The following SNTB1 variants were observed in gnomAD, a reference collection of about 807,000 sequenced individuals.
The protein encoded by SNTB1 is beta-1-syntrophin.
SNTB1 carries 36 observed loss-of-function variants against 48.9 expected under a neutral mutation model. The ratio of observed to expected loss-of-function variants is 0.74; its 90% CI spans 0.56 to 0.97. The LOEUF (loss-of-function observed/expected upper bound fraction) is 0.97, where lower values mean the gene tolerates loss of function less well. Ranked by LOEUF, SNTB1 falls within the 50% of genes least tolerant of loss-of-function variation. The pLI is 0.00. For missense variants in SNTB1, 786 were observed against 703.4 expected (o/e 1.12, Z -1.33); for synonymous variants, 299 against 294.6 (o/e 1.01, Z -0.15).
chr8:120,615,262 G>T (rs945667715), intron 3 of SNTB1, among the ~76,000 whole-genome samples: 1 of 152,138 alleles, frequency 6.6e-6, no homozygotes, highest in Non-Finnish European at 1.5e-5. Context: ...CAGAGCCGGG[G>T]TTAATATGTA....
chr8:120,563,384 T>A (rs1253262027), intron 4 of SNTB1, among the ~76,000 whole-genome samples: 68 of 151,956 alleles, frequency 4.5e-4, no homozygotes, highest in Non-Finnish European at 2.6e-4. Flanking sequence ...GAATGAGAAT[T>A]GCTAAAATTA....
chr8:120,698,684 T>C (rs958556695), intron 1 of SNTB1, among the ~76,000 whole-genome samples: 1 of 152,202 alleles, frequency 6.6e-6, no homozygotes, highest in Non-Finnish European at 1.5e-5. Flanking sequence ...GGCTTGGCTA[T>C]CAATTGTAGA....
In SNTB1 at chr8:120,536,749, A is replaced by C. The variant is rs1815208936; in HGVS notation, c.*2128T>G. ...TTCCATTGACCCCCACACAGATATT[A>C]ATCAGCCCAAAGCTTAAGTGATAAA... On this transcript the variant is annotated 3_prime_UTR_variant, in exon 7 of 7. Transcript: ENST00000517992. 1 of 152,126 alleles carries C rather than the reference A, an allele frequency of 6.6e-6. No individual in the cohort carries two copies. Among genetic ancestry groups the C allele is most frequent in the African/African-American group, 2.4e-5 (1 of 41,460 alleles). 9.4% of individuals were successfully genotyped at this position (152,126 alleles called of 1,614,324 possible). A position where few individuals can be genotyped will look rare whatever the true frequency, so the allele number is the denominator to read the frequency against.
rs527344609 is a variant in SNTB1, at chr8:120,676,740, T to G, written c.788+16952A>C. 3.0e-4 allele frequency among the ~76,000 whole-genome samples: 46 copies of G among 152,248 alleles called. 2 individuals are homozygous for G. The South Asian group carries it at 9.6e-3, about 32-fold the overall frequency. The stretch of plus-strand genomic sequence containing the variant: ...AGGAAAAAAATGACCAAGGTACATG[T>G]TCTAAATTGCTGGTGGCACAATTAA... On this transcript the variant is annotated intron_variant, in intron 2 of 6. Transcript: ENST00000517992.
intron 2 of SNTB1, among the ~76,000 whole-genome samples, chr8:120,641,609 C>T (rs1034409075): frequency 7.9e-5 from 12 of 152,106 alleles, no homozygotes; most frequent in African/African-American, 1.2e-4. Context: ...GTTTTGACAG[C>T]GCTTATCATT....
chr8:120,759,702 A>G (rs1161841869), intron 1 of SNTB1, among the ~76,000 whole-genome samples: 2 of 152,176 alleles, frequency 1.3e-5, no homozygotes, highest in African/African-American at 4.8e-5. Context: ...ATGAGCTCCA[A>G]TGACTTCCTG....
chr8:120,754,786 G>C (rs1400465434), intron 1 of SNTB1, among the ~76,000 whole-genome samples: 1 of 152,122 alleles, frequency 6.6e-6, no homozygotes, highest in Non-Finnish European at 1.5e-5. Context: ...ATAAGCAAAG[G>C]CTACAGAAAG....
intron 1 of SNTB1, among the ~76,000 whole-genome samples, chr8:120,757,051 C>T (rs1373254472): frequency 6.6e-6 from 1 of 152,152 alleles, no homozygotes; most frequent in Non-Finnish European, 1.5e-5. Context: ...ATGACAGTAA[C>T]CACAGTTACT....
chr8:120,652,001 G>A (rs1044813891), intron 2 of SNTB1, among the ~76,000 whole-genome samples: 1 of 152,180 alleles, frequency 6.6e-6, no homozygotes, highest in Non-Finnish European at 1.5e-5. Flanking sequence ...GTGACAGGAG[G>A]ACAAAATTGG....
At position 120,575,141 on chromosome 8, in the gene SNTB1, G is replaced by T; in HGVS notation, c.1081C>A (p.Arg361=). 1.2e-6 allele frequency: 2 copies of T among 1,614,112 alleles called. No individual in the cohort carries two copies. The highest frequency in any genetic ancestry group is 1.1e-5 in the South Asian group (1 of 91,068). The change falls in exon 4 of 7, where the codon CGG becomes AGG. Residue 361 remains arginine (R), a synonymous_variant. Coordinates refer to ENST00000517992, the MANE Select transcript of SNTB1 (RefSeq NM_021021.4). ...KDLLIYDSMP[R]RKEAWFSPVH... The stretch of plus-strand genomic sequence containing the variant: ...GGGCTGAACCAGGCTTCCTTCCTCC[G>T]TGGCATGCTGTCATAGATTAAAAGG...
intron 3 of SNTB1, among the ~76,000 whole-genome samples, chr8:120,602,544 G>A (rs1268740654): frequency 1.3e-5 from 2 of 152,112 alleles, no homozygotes; most frequent in African/African-American, 4.8e-5. Context: ...TTCATCTGTT[G>A]CCACAATTTC....
chr8:120,807,920 T>C (rs950636382), intron 1 of SNTB1, among the ~76,000 whole-genome samples: 1 of 152,098 alleles, frequency 6.6e-6, no homozygotes, highest in Non-Finnish European at 1.5e-5. Context: ...TTTTTTATTT[T>C]TTTATTTTTT....
At chr8:120,574,540 C>A (rs1345095688) in intron 4 of SNTB1, among the ~76,000 whole-genome samples, 1 of 152,046 alleles carries the variant, frequency 6.6e-6, no homozygotes, top group East Asian at 1.9e-4. Context: ...TGATGAAGTG[C>A]TTTTTAAAGA....
intron 1 of SNTB1, among the ~76,000 whole-genome samples, chr8:120,774,853 C>T (rs1373534186): frequency 6.6e-6 from 1 of 152,024 alleles, no homozygotes; most frequent in South Asian, 2.1e-4. Context: ...GGGGTTTCAC[C>T]ATGTTGGCCA....
intron 1 of SNTB1, among the ~76,000 whole-genome samples, chr8:120,776,076 T>C (rs1340923140): frequency 6.6e-6 from 1 of 152,182 alleles, no homozygotes; most frequent in African/African-American, 2.4e-5. Flanking sequence ...GACCCAGCCA[T>C]CCCATTACTG....
At chr8:120,706,914 A>C (rs779864175) in intron 1 of SNTB1, among the ~76,000 whole-genome samples, 14 of 152,102 alleles carry the variant, frequency 9.2e-5, no homozygotes, top group Middle Eastern at 3.4e-3. Context: ...AAATATCATT[A>C]CCAAGGGTAG....
chr8:120,568,628 T>C (rs1458394003), intron 4 of SNTB1, among the ~76,000 whole-genome samples: 1 of 152,166 alleles, frequency 6.6e-6, no homozygotes, highest in East Asian at 1.9e-4. Flanking sequence ...AAGACTAGAA[T>C]GCAAACTCCC....
intron 1 of SNTB1, among the ~76,000 whole-genome samples, chr8:120,798,662 C>T (rs1178007932): frequency 6.6e-6 from 1 of 152,022 alleles, no homozygotes; most frequent in Non-Finnish European, 1.5e-5. Flanking sequence ...CTCTGCTAGC[C>T]ATGCATTCCA....
At chr8:120,740,004 C>T (rs1819018220) in intron 1 of SNTB1, among the ~76,000 whole-genome samples, 2 of 152,150 alleles carry the variant, frequency 1.3e-5, no homozygotes, top group Admixed American at 6.5e-5. Context: ...TGTCTATACC[C>T]AGGGGAAATC....
Sources: gnomAD v4.1 joint callset for allele counts (sites outside exome capture counted in the v4.1 genomes callset) on GRCh38, gnomAD v4.1.1 for gene constraint, MANE v1.5 for transcripts, NCBI Gene and HGNC (gene_info 2026-07-23, HGNC 2026-07-21) for gene names.